Variants in RALYL observed in about 807,000 individuals in gnomAD.
RALYL encodes RALY RNA binding protein like, also known as RNA-binding Raly-like protein.
A neutral mutation model predicts 35.1 loss-of-function variants in RALYL; 29 were observed. That is an observed-to-expected ratio of 0.83 (90% CI 0.61 to 1.13). RALYL has a LOEUF of 1.13. Among genes scored for constraint, RALYL ranks in the 50% most tolerant of loss-of-function variants. RALYL has a pLI of 0.00. For missense variants in RALYL, 359 were observed against 360.4 expected, an observed-to-expected ratio of 1.00 and a Z score of 0.03; for synonymous variants, 120 against 127.6, an observed-to-expected ratio of 0.94 and a Z score of 0.40.
chr8:84,557,243 G>T (rs560909775), intron 2 of RALYL, among the ~76,000 whole-genome samples: 1 of 152,256 alleles, frequency 6.6e-6, no homozygotes, highest in South Asian at 2.1e-4. Flanking sequence ...TCTTGCTTAA[G>T]CATTGTTTCC....
At chr8:84,744,747 A>T (rs1455255482) in intron 2 of RALYL, among the ~76,000 whole-genome samples, 2 of 151,950 alleles carry the variant, frequency 1.3e-5, no homozygotes, top group African/African-American at 4.8e-5. Flanking sequence ...AATCAGAGCA[A>T]ATCATCTAAT....
At chr8:84,536,794 T>C (rs1240897057) in intron 2 of RALYL, among the ~76,000 whole-genome samples, 1 of 152,224 alleles carries the variant, frequency 6.6e-6, no homozygotes, top group Non-Finnish European at 1.5e-5. Context: ...CTTAACTTGA[T>C]AGGTTAACAA....
At chr8:84,666,059 G>A (rs1033687597) in intron 2 of RALYL, among the ~76,000 whole-genome samples, 10 of 152,062 alleles carry the variant, frequency 6.6e-5, no homozygotes, top group African/African-American at 1.2e-4. Context: ...CTAATGGTTC[G>A]GGTATTGATA....
chr8:84,473,293 G>A (rs1057090720), intron 1 of RALYL, among the ~76,000 whole-genome samples: 1 of 151,054 alleles, frequency 6.6e-6, no homozygotes, highest in Non-Finnish European at 1.5e-5. Context: ...ATTTAGTTAG[G>A]CAATAATATT....
chr8:84,738,583 G>T (rs1490833447), intron 2 of RALYL, among the ~76,000 whole-genome samples: 1 of 151,938 alleles, frequency 6.6e-6, no homozygotes, highest in African/African-American at 2.4e-5. Flanking sequence ...AGTTGGAAAA[G>T]CATAATTGAT....
chr8:84,303,543 C>T (rs62526795), intron 1 of RALYL, among the ~76,000 whole-genome samples: 8,971 of 152,144 alleles, frequency 0.059, 384 homozygotes, highest in Non-Finnish European at 0.089. Context: ...AATTAGTTTT[C>T]TAAGATAGCT....
chr8:84,284,104 T>C (rs532431142), intron 1 of RALYL, among the ~76,000 whole-genome samples: 2 of 152,232 alleles, frequency 1.3e-5, no homozygotes, highest in African/African-American at 2.4e-5. Context: ...ATAGTTGAAA[T>C]AGTTGACAAA....
At chr8:84,918,277 T>C (rs1690272790) in intron 8 of RALYL, among the ~76,000 whole-genome samples, 2 of 152,050 alleles carry the variant, frequency 1.3e-5, no homozygotes, top group Non-Finnish European at 2.9e-5. Context: ...TTATTCTATA[T>C]ATTGCTGTAC....
chr8:84,687,978 T>A (rs565559822), intron 2 of RALYL, among the ~76,000 whole-genome samples: 1 of 152,234 alleles, frequency 6.6e-6, no homozygotes, highest in African/African-American at 2.4e-5. Context: ...AATATACTCA[T>A]AATCAGTTAA....
At chr8:84,820,100 C>T (rs1039431449) in intron 4 of RALYL, among the ~76,000 whole-genome samples, 2 of 152,100 alleles carry the variant, frequency 1.3e-5, no homozygotes, top group African/African-American at 4.8e-5. Context: ...AACCCAGTAA[C>T]AATTTGATGT....
chr8:84,906,023 G>A (rs569904703), intron 8 of RALYL, among the ~76,000 whole-genome samples: 12 of 152,152 alleles, frequency 7.9e-5, no homozygotes, highest in African/African-American at 2.9e-4. Flanking sequence ...GAAGTAAAGT[G>A]TTAAAGTGTA....
chr8:84,453,754 T>C lies in RALYL; in HGVS notation c.-23-75545T>C, dbSNP rs182957975. On this transcript the variant is annotated intron_variant, in intron 1 of 8. Coordinates refer to ENST00000521268, the MANE Select transcript of RALYL (RefSeq NM_173848.7). Reference sequence around the variant, plus strand: ...AAATGAATTAAATAAGCTGACTAGTTTCATTAATACTATCTCAAACAACAG... The same window carrying C: ...AAATGAATTAAATAAGCTGACTAGTCTCATTAATACTATCTCAAACAACAG... 2.9e-3 allele frequency among the ~76,000 whole-genome samples: 438 copies of C among 152,108 alleles called. 4 individuals are homozygous for C. The highest frequency in any genetic ancestry group is 9.9e-3 in the African/African-American group (412 of 41,534).
chr8:84,320,364 G>A (rs1844573554), intron 1 of RALYL, among the ~76,000 whole-genome samples: 1 of 151,000 alleles, frequency 6.6e-6, no homozygotes, highest in African/African-American at 2.5e-5. Context: ...ATATATATAT[G>A]TATATCTTTC....
chr8:84,727,602 C>T (rs1481486765), intron 2 of RALYL, among the ~76,000 whole-genome samples: 1 of 151,230 alleles, frequency 6.6e-6, no homozygotes, highest in Non-Finnish European at 1.5e-5. Flanking sequence ...AGGTATATCT[C>T]CCAATGCTAT....
At chr8:84,620,688 A>C (rs1243854857) in intron 2 of RALYL, among the ~76,000 whole-genome samples, 2 of 151,802 alleles carry the variant, frequency 1.3e-5, no homozygotes, top group South Asian at 2.1e-4. Flanking sequence ...TAGAGTTTCC[A>C]GTTTTTCTGT....
At chr8:84,652,334 C>T (rs181056681) in intron 2 of RALYL, among the ~76,000 whole-genome samples, 62 of 152,094 alleles carry the variant, frequency 4.1e-4, no homozygotes, top group African/African-American at 1.4e-3. Context: ...TCCATCACTT[C>T]GATTGGTATG....
intron 1 of RALYL, among the ~76,000 whole-genome samples, chr8:84,410,047 G>T (rs569095637): frequency 6.6e-6 from 1 of 151,872 alleles, no homozygotes; most frequent in South Asian, 2.1e-4. Context: ...AACTTCTATG[G>T]TATTTTTAGA....
intron 1 of RALYL, among the ~76,000 whole-genome samples, chr8:84,434,245 A>G (rs1172076816): frequency 6.6e-6 from 1 of 151,930 alleles, no homozygotes; most frequent in Non-Finnish European, 1.5e-5. Flanking sequence ...ATTAGGGCCC[A>G]CCCTAATGAC....
At position 84,184,927 on chromosome 8, in the gene RALYL, C is replaced by A. The variant is rs574112920; in HGVS notation, c.-24+503C>A. 47 of 1,592,116 alleles carry A rather than the reference C, an allele frequency of 3.0e-5. No individual in the cohort carries two copies. In the South Asian group the frequency reaches 5.0e-4, roughly 17 times the overall value. On this transcript the variant is annotated intron_variant, in intron 1 of 8. Coordinates refer to ENST00000521268, the MANE Select transcript of RALYL (RefSeq NM_173848.7). Reference sequence around the variant, plus strand: ...TGGCTCCAGGCCACGCGAGCCGGAGCTGGAGACATTTCCAGAGCCTTGAGG... The same window carrying A: ...TGGCTCCAGGCCACGCGAGCCGGAGATGGAGACATTTCCAGAGCCTTGAGG...
Sources: gnomAD v4.1 joint callset for allele counts (sites outside exome capture counted in the v4.1 genomes callset) on GRCh38, gnomAD v4.1.1 for gene constraint, MANE v1.5 for transcripts, NCBI Gene and HGNC (gene_info 2026-07-23, HGNC 2026-07-21) for gene names.